Variants in KCNIP4 observed in about 807,000 individuals in gnomAD.
The protein encoded by KCNIP4 is potassium voltage-gated channel interacting protein 4.
In KCNIP4, 12 loss-of-function variants were observed where a neutral mutation model predicts 34.0. The observed-to-expected ratio is 0.35, with a 90% CI of 0.23 to 0.57. The LOEUF (loss-of-function observed/expected upper bound fraction) is 0.57. Ranked by LOEUF, KCNIP4 falls within the 20% of genes least tolerant of loss-of-function variation. The pLI is 0.83. For synonymous variants in KCNIP4, 124 were observed against 102.2 expected (o/e 1.21, Z -1.29); for missense variants, 238 against 311.7 (o/e 0.76, Z 1.78).
intron 1 of KCNIP4, among the ~76,000 whole-genome samples, chr4:21,069,442 T>C (rs946952952): frequency 3.3e-5 from 5 of 152,222 alleles, no homozygotes; most frequent in Admixed American, 6.5e-5. Flanking sequence ...AATCTAAAAA[T>C]CTAAGCTACT....
chr4:20,974,320 G>C (rs1302452807), intron 1 of KCNIP4, among the ~76,000 whole-genome samples: 3 of 152,150 alleles, frequency 2.0e-5, no homozygotes, highest in African/African-American at 7.2e-5. Context: ...GAGGGACAGT[G>C]CATCAGGATT....
At chr4:21,371,500 T>G (rs1316275640) in intron 1 of KCNIP4, among the ~76,000 whole-genome samples, 1 of 146,988 alleles carries the variant, frequency 6.8e-6, no homozygotes, top group Non-Finnish European at 1.5e-5. Flanking sequence ...TCTGTGAGCT[T>G]GAGCATGATC....
At chr4:21,720,031 G>A (rs866220248) in intron 1 of KCNIP4, among the ~76,000 whole-genome samples, 1 of 143,524 alleles carries the variant, frequency 7.0e-6, no homozygotes, top group African/African-American at 2.6e-5. Context: ...GAAGGAGAAG[G>A]AGAAGGAGAA....
In KCNIP4 at chr4:21,232,635, T is replaced by G. The variant is rs1054829612; in HGVS notation, c.62-349926A>C. ...GATCTGGGATTTAATTCATTGCTGA[T>G]GAAATTATAGAAGAATTTATTTCAT... On this transcript the variant is annotated intron_variant, in intron 1 of 8. Transcript: ENST00000382152. Among the ~76,000 whole-genome samples, 4 of 152,328 alleles carry G rather than the reference T, an allele frequency of 2.6e-5. 1 individual carries two copies. Among genetic ancestry groups the G allele is most frequent in the Admixed American group, 2.6e-4 (4 of 15,288 alleles).
At chr4:21,192,485 G>A (rs965551572) in intron 1 of KCNIP4, among the ~76,000 whole-genome samples, 1 of 152,036 alleles carries the variant, frequency 6.6e-6, no homozygotes, top group Non-Finnish European at 1.5e-5. Context: ...AATTAACAGA[G>A]CCTAATTACT....
intron 4 of KCNIP4, among the ~76,000 whole-genome samples, chr4:20,753,316 A>T (rs1753966686): frequency 6.6e-6 from 1 of 152,108 alleles, no homozygotes; most frequent in African/African-American, 2.4e-5. Context: ...AACCCCTAGG[A>T]TTCCTTTGGT....
chr4:20,956,465 A>T (rs1479946120), intron 1 of KCNIP4, among the ~76,000 whole-genome samples: 1 of 151,738 alleles, frequency 6.6e-6, no homozygotes, highest in Non-Finnish European at 1.5e-5. Flanking sequence ...AGATTGTGCC[A>T]CTGAACTCCA....
intron 1 of KCNIP4, among the ~76,000 whole-genome samples, chr4:21,142,006 C>T (rs988367750): frequency 2.6e-5 from 4 of 151,594 alleles, no homozygotes; most frequent in South Asian, 2.1e-4. Flanking sequence ...TAAAAATTTG[C>T]GAGGTGTGGT....
At chr4:21,492,968 C>A (rs905761226) in intron 1 of KCNIP4, among the ~76,000 whole-genome samples, 2 of 152,208 alleles carry the variant, frequency 1.3e-5, no homozygotes, top group African/African-American at 4.8e-5. Flanking sequence ...ATCCCACTTG[C>A]TCTGCTGCTT....
chr4:21,684,160 CTTACT>C (rs991610067), intron 1 of KCNIP4, among the ~76,000 whole-genome samples: 1 of 152,028 alleles, frequency 6.6e-6, no homozygotes, highest in Non-Finnish European at 1.5e-5. Context: ...ATAAAAAATG[CTTACT>C]TTAAAATAAA....
chr4:21,306,260 C>A (rs750347681), intron 1 of KCNIP4, among the ~76,000 whole-genome samples: 1 of 152,220 alleles, frequency 6.6e-6, no homozygotes, highest in Non-Finnish European at 1.5e-5. Flanking sequence ...CCCATTACTT[C>A]ATCCCATTAT....
chr4:20,972,664 T>C (rs536273543), intron 1 of KCNIP4, among the ~76,000 whole-genome samples: 23 of 152,230 alleles, frequency 1.5e-4, no homozygotes, highest in Non-Finnish European at 2.1e-4. Context: ...TTAAAAGTAG[T>C]GCGGACCCAA....
At chr4:21,183,574 T>C (rs1755003691) in intron 1 of KCNIP4, among the ~76,000 whole-genome samples, 1 of 151,562 alleles carries the variant, frequency 6.6e-6, no homozygotes, top group Non-Finnish European at 1.5e-5. Flanking sequence ...ATGGCTGTAA[T>C]TTATATTTCC....
intron 1 of KCNIP4, among the ~76,000 whole-genome samples, chr4:21,491,006 C>T (rs1004770035): frequency 1.3e-5 from 2 of 152,058 alleles, no homozygotes; most frequent in African/African-American, 4.8e-5. Context: ...CAGAAAATCT[C>T]CACATCACTC....
intron 1 of KCNIP4, among the ~76,000 whole-genome samples, chr4:21,037,613 T>C (rs1385293419): frequency 4.6e-5 from 7 of 152,236 alleles, no homozygotes; most frequent in East Asian, 3.9e-4. Flanking sequence ...GCATTTCTTA[T>C]AACGTATTCT....
intron 1 of KCNIP4, among the ~76,000 whole-genome samples, chr4:21,186,821 T>C (rs1755264990): frequency 6.6e-6 from 1 of 152,050 alleles, no homozygotes; most frequent in South Asian, 2.1e-4. Context: ...ATTTTTTAAA[T>C]TTTCTTTTGT....
rs1393074333 is a variant in KCNIP4 at position 21,191,681 on chromosome 4, A to C, written c.62-308972T>G. Among the ~76,000 whole-genome samples, 3 of 152,196 alleles carry C rather than the reference A, an allele frequency of 2.0e-5. No homozygotes were observed. The East Asian group carries it at 5.8e-4, about 29-fold the overall frequency. On this transcript the variant is annotated intron_variant, in intron 1 of 8. Coordinates refer to ENST00000382152, the MANE Select transcript of KCNIP4 (RefSeq NM_025221.6). ...TGAACAATCTCTTACAGATAAGACA[A>C]ATTTTATCTGGGATCAGTATAGTCT...
At chr4:21,342,624 A>G (rs886723937) in intron 1 of KCNIP4, among the ~76,000 whole-genome samples, 10 of 152,064 alleles carry the variant, frequency 6.6e-5, no homozygotes, top group African/African-American at 2.2e-4. Context: ...GAACTTGATA[A>G]GTAAAATTAC....
chr4:21,109,361 T>C (rs943269239), intron 1 of KCNIP4, among the ~76,000 whole-genome samples: 4 of 152,246 alleles, frequency 2.6e-5, no homozygotes, highest in African/African-American at 7.2e-5. Context: ...CAGACTGCTG[T>C]GCTAGCAATC....
Sources: allele counts gnomAD v4.1 joint callset (sites outside exome capture counted in the v4.1 genomes callset), GRCh38; gene constraint gnomAD v4.1.1; transcripts MANE v1.5; gene names NCBI Gene and HGNC (gene_info 2026-07-23, HGNC 2026-07-21).